Variants in SMYD3 observed in about 807,000 individuals in gnomAD.
SMYD3 encodes the protein SET and MYND domain containing 3, also known as histone-lysine N-methyltransferase SMYD3.
A neutral mutation model predicts 57.7 loss-of-function variants in SMYD3; 36 were observed. The ratio of observed to expected loss-of-function variants is 0.62; its 90% CI spans 0.48 to 0.82. The LOEUF (loss-of-function observed/expected upper bound fraction) is 0.82, where lower values mean the gene tolerates loss of function less well. Ranked by LOEUF, SMYD3 falls within the 40% of genes least tolerant of loss-of-function variation. The pLI is 0.00. For synonymous variants in SMYD3, 211 were observed against 195.0 expected (o/e 1.08, Z -0.68); for missense variants, 515 against 538.8 (o/e 0.96, Z 0.44).
At chr1:245,777,224 G>A (rs1472977321) in intron 10 of SMYD3, among the ~76,000 whole-genome samples, 1 of 151,984 alleles carries the variant, frequency 6.6e-6, no homozygotes, top group East Asian at 1.9e-4. Context: ...CTGTCCTAAG[G>A]ACTTTGAGTT....
intron 5 of SMYD3, among the ~76,000 whole-genome samples, chr1:246,204,421 A>G (rs575626878): frequency 3.3e-5 from 5 of 152,176 alleles, no homozygotes; most frequent in African/African-American, 4.8e-5. Flanking sequence ...CTGTGTCTCT[A>G]TATTTCCAGT....
At chr1:246,441,481 C>T (rs757500524) in intron 1 of SMYD3, among the ~76,000 whole-genome samples, 42 of 152,188 alleles carry the variant, frequency 2.8e-4, no homozygotes, top group African/African-American at 8.0e-4. Flanking sequence ...CACTCCTTTT[C>T]GGATTATCAC....
intron 5 of SMYD3, among the ~76,000 whole-genome samples, chr1:246,119,670 C>A (rs1034627759): frequency 1.2e-4 from 19 of 152,120 alleles, no homozygotes; most frequent in Non-Finnish European, 1.5e-5. Context: ...ACCTCTGCCT[C>A]CCAAAGTGCT....
intron 5 of SMYD3, among the ~76,000 whole-genome samples, chr1:246,165,748 T>C (rs1039375739): frequency 6.9e-6 from 1 of 144,322 alleles, no homozygotes; most frequent in African/African-American, 2.7e-5. Context: ...TGTCTGATTA[T>C]TAAAGTTACT....
intron 5 of SMYD3, among the ~76,000 whole-genome samples, chr1:246,094,284 G>A (rs1302773441): frequency 1.3e-5 from 2 of 152,098 alleles, no homozygotes; most frequent in Admixed American, 1.3e-4. Flanking sequence ...TCCTGTGCCG[G>A]GGACTTTCCA....
chr1:246,212,615 A>G (rs936298328), intron 5 of SMYD3, among the ~76,000 whole-genome samples: 1 of 152,136 alleles, frequency 6.6e-6, no homozygotes, highest in Non-Finnish European at 1.5e-5. Context: ...AAAATCTATC[A>G]GTCTCATTTG....
intron 5 of SMYD3, among the ~76,000 whole-genome samples, chr1:246,056,514 C>T (rs990222813): frequency 5.3e-5 from 8 of 151,892 alleles, no homozygotes; most frequent in Non-Finnish European, 1.2e-4. Flanking sequence ...TTGTAACCAC[C>T]GTGTTTCTAA....
At chr1:245,915,320 C>T (rs2055325457) in intron 8 of SMYD3, among the ~76,000 whole-genome samples, 1 of 152,144 alleles carries the variant, frequency 6.6e-6, no homozygotes, top group African/African-American at 2.4e-5. Flanking sequence ...AGATCCTTAC[C>T]TTTGGTTAAA....
intron 1 of SMYD3, among the ~76,000 whole-genome samples, chr1:246,410,676 T>C (rs1415784196): frequency 2.0e-5 from 3 of 152,226 alleles, no homozygotes; most frequent in Non-Finnish European, 4.4e-5. Flanking sequence ...ACGATGATGA[T>C]GGCCTCATAA....
intron 5 of SMYD3, among the ~76,000 whole-genome samples, chr1:246,064,138 T>C (rs2060301945): frequency 1.3e-5 from 2 of 152,316 alleles, no homozygotes; most frequent in African/African-American, 2.4e-5. Flanking sequence ...CGGGCTTTAA[T>C]GGAGGCCTCT....
chr1:246,423,706 G>A (rs1187975458), intron 1 of SMYD3, among the ~76,000 whole-genome samples: 1 of 152,110 alleles, frequency 6.6e-6, no homozygotes, highest in East Asian at 1.9e-4. Flanking sequence ...AAGAAATCCA[G>A]TAGAAGAGTG....
chr1:245,875,083 G>T (rs541295299), intron 8 of SMYD3, among the ~76,000 whole-genome samples: 302 of 152,344 alleles, frequency 2.0e-3, no homozygotes, highest in African/African-American at 7.0e-3. Flanking sequence ...TTCCTGGCAC[G>T]CCAACAGAAA....
chr1:245,891,964 T>G (rs141057586), intron 8 of SMYD3, among the ~76,000 whole-genome samples: 4 of 152,216 alleles, frequency 2.6e-5, no homozygotes, highest in African/African-American at 9.6e-5. Flanking sequence ...GAGGATTGCC[T>G]GAGCCCAGGA....
chr1:246,461,081 G>C (rs2067790281), intron 1 of SMYD3, among the ~76,000 whole-genome samples: 1 of 152,170 alleles, frequency 6.6e-6, no homozygotes, highest in Non-Finnish European at 1.5e-5. Context: ...AATTGTTTAA[G>C]GTAACTTCTG....
chr1:246,103,579 C>T (rs78126554), intron 5 of SMYD3, among the ~76,000 whole-genome samples: 5,025 of 152,144 alleles, frequency 0.033, 250 homozygotes, highest in African/African-American at 0.11. Context: ...TAGTTGAGGT[C>T]GTTATCATCT....
chr1:246,265,711 T>C (rs962458195), intron 5 of SMYD3, among the ~76,000 whole-genome samples: 3 of 152,208 alleles, frequency 2.0e-5, no homozygotes, highest in Non-Finnish European at 4.4e-5. Flanking sequence ...ATCACATGTC[T>C]TAATAATGAG....
At chr1:246,298,173 A>T (rs2064829032) in intron 5 of SMYD3, among the ~76,000 whole-genome samples, 1 of 152,058 alleles carries the variant, frequency 6.6e-6, no homozygotes, top group African/African-American at 2.4e-5. Flanking sequence ...AAGAGAAATA[A>T]GAAAAGAACT....
intron 10 of SMYD3, among the ~76,000 whole-genome samples, chr1:245,769,890 C>T (rs943946516): frequency 1.3e-5 from 2 of 152,128 alleles, no homozygotes; most frequent in African/African-American, 4.8e-5. Flanking sequence ...TATAAATCCC[C>T]AGGTCCAGCA....
chr1:246,063,000 A>G (rs528009807), intron 5 of SMYD3, among the ~76,000 whole-genome samples: 4 of 152,170 alleles, frequency 2.6e-5, no homozygotes, highest in Non-Finnish European at 5.9e-5. Context: ...TGCGTTCTTT[A>G]TGCTATGAGA....
Sources: allele counts gnomAD v4.1 joint callset (sites outside exome capture counted in the v4.1 genomes callset), GRCh38; gene constraint gnomAD v4.1.1; transcripts MANE v1.5; gene names NCBI Gene and HGNC (gene_info 2026-07-23, HGNC 2026-07-21).